Variants in MYO1D observed in about 807,000 individuals in gnomAD.
MYO1D encodes unconventional myosin-Id.
Under a neutral mutation model 122.0 loss-of-function variants are expected in MYO1D, and 83 were observed. The observed-to-expected ratio is 0.68, with a 90% CI of 0.57 to 0.82. The LOEUF (loss-of-function observed/expected upper bound fraction) is 0.82, where lower values mean the gene tolerates loss of function less well. Among genes scored for constraint, MYO1D ranks in the 40% least tolerant of loss-of-function variants. The pLI is 0.00. For synonymous variants in MYO1D, 464 were observed against 446.9 expected (o/e 1.04, Z -0.48); for missense variants, 1,157 against 1,269.5 (o/e 0.91, Z 1.35).
At chr17:32,722,152 A>C (rs2089519506) in intron 14 of MYO1D, among the ~76,000 whole-genome samples, 1 of 152,206 alleles carries the variant, frequency 6.6e-6, no homozygotes, top group African/African-American at 2.4e-5. Flanking sequence ...ACAGTTTTCA[A>C]CACCTAAAAA....
chr17:32,567,091 T>A (rs1019853160), intron 21 of MYO1D, among the ~76,000 whole-genome samples: 1 of 151,454 alleles, frequency 6.6e-6, no homozygotes, highest in Admixed American at 6.6e-5. Context: ...AAAACAGGGG[T>A]TTCTGGCTGA....
intron 1 of MYO1D, among the ~76,000 whole-genome samples, chr17:32,790,204 T>A (rs939766005): frequency 2.6e-5 from 4 of 152,206 alleles, no homozygotes; most frequent in Non-Finnish European, 5.9e-5. Flanking sequence ...GTAGCAAGTA[T>A]GATCTTAAAA....
chr17:32,532,835 G>A (rs1408362484), intron 21 of MYO1D, among the ~76,000 whole-genome samples: 1 of 151,142 alleles, frequency 6.6e-6, no homozygotes, highest in Non-Finnish European at 1.5e-5. Flanking sequence ...AACTCTATTT[G>A]GCTTTATCTA....
At chr17:32,838,492 G>A (rs2090848513) in intron 1 of MYO1D, among the ~76,000 whole-genome samples, 1 of 152,150 alleles carries the variant, frequency 6.6e-6, no homozygotes, top group East Asian at 1.9e-4. Flanking sequence ...ATAGTGACTA[G>A]ATAGTCACTA....
chr17:32,802,369 T>C (rs915461773), intron 1 of MYO1D, among the ~76,000 whole-genome samples: 8 of 152,230 alleles, frequency 5.3e-5, no homozygotes, highest in African/African-American at 1.9e-4. Context: ...GCTAATGCAT[T>C]AAAAACATTT....
intron 16 of MYO1D, among the ~76,000 whole-genome samples, chr17:32,660,388 GTTTCT>G (rs1342574884): frequency 6.6e-6 from 1 of 152,108 alleles, no homozygotes; most frequent in Non-Finnish European, 1.5e-5. Flanking sequence ...ACTCCCTCAG[GTTTCT>G]TTTATTTCTT....
intron 1 of MYO1D, among the ~76,000 whole-genome samples, chr17:32,831,332 G>A (rs2090769888): frequency 6.6e-6 from 1 of 152,198 alleles, no homozygotes; most frequent in Non-Finnish European, 1.5e-5. Flanking sequence ...ATCACGCTGA[G>A]TTTTTACTGC....
intron 19 of MYO1D, among the ~76,000 whole-genome samples, chr17:32,643,681 C>T (rs2088240672): frequency 6.6e-6 from 1 of 152,124 alleles, no homozygotes; most frequent in Non-Finnish European, 1.5e-5. Context: ...TTATCCATTT[C>T]TTCTAGATTT....
At chr17:32,824,934 A>G (rs191273092) in intron 1 of MYO1D, among the ~76,000 whole-genome samples, 4 of 152,320 alleles carry the variant, frequency 2.6e-5, no homozygotes, top group Non-Finnish European at 4.4e-5. Context: ...TTTGTGGAGT[A>G]GAATTCGTGG....
chr17:32,755,392 G>T, intron 11 of MYO1D, 100 bp downstream of exon 11: 1 of 1,226,218 alleles, frequency 8.2e-7, no homozygotes, highest in African/African-American at 1.5e-5. Context: ...CTTATTAAAG[G>T]GGACATTCTT....
chr17:32,579,040 T>C (rs931218702), intron 21 of MYO1D, among the ~76,000 whole-genome samples: 2 of 152,222 alleles, frequency 1.3e-5, no homozygotes, highest in African/African-American at 4.8e-5. Context: ...TTCAGAACAG[T>C]GGCAATGTTT....
At chr17:32,823,834 G>A (rs2090696826) in intron 1 of MYO1D, among the ~76,000 whole-genome samples, 1 of 152,150 alleles carries the variant, frequency 6.6e-6, no homozygotes, top group Non-Finnish European at 1.5e-5. Flanking sequence ...TTGGGAGGCT[G>A]AGGCGGGTGG....
At chr17:32,498,317 T>G (rs1449762862) in intron 21 of MYO1D, 2 of 152,270 alleles carry the variant, frequency 1.3e-5, no homozygotes, top group Non-Finnish European at 2.9e-5. Context: ...CAGGACTGTT[T>G]TCTAAGCCCA....
intron 21 of MYO1D, among the ~76,000 whole-genome samples, chr17:32,521,607 G>A (rs934615716): frequency 6.6e-6 from 1 of 152,168 alleles, no homozygotes; most frequent in African/African-American, 2.4e-5. Context: ...TGTGGGTGGT[G>A]AGTACTTCTT....
At chr17:32,864,058 A>G (rs1240373209) in intron 1 of MYO1D, among the ~76,000 whole-genome samples, 3 of 119,440 alleles carry the variant, frequency 2.5e-5, no homozygotes. Flanking sequence ...GTTTGCAAGA[A>G]TAAAAGCCTT....
intron 20 of MYO1D, among the ~76,000 whole-genome samples, chr17:32,631,187 GA>G (rs1454654777): frequency 6.6e-6 from 1 of 152,126 alleles, no homozygotes; most frequent in East Asian, 1.9e-4. Context: ...AATATGATGG[GA>G]AAAAAACAGG....
intron 21 of MYO1D, among the ~76,000 whole-genome samples, chr17:32,522,345 T>C (rs570050038): frequency 1.3e-5 from 2 of 152,324 alleles, no homozygotes; most frequent in East Asian, 1.9e-4. Flanking sequence ...AGGGTTATAA[T>C]GAAAGCCTTT....
At chr17:32,603,176 G>C (rs2087582557) in intron 21 of MYO1D, among the ~76,000 whole-genome samples, 1 of 151,970 alleles carries the variant, frequency 6.6e-6, no homozygotes, top group Non-Finnish European at 1.5e-5. Flanking sequence ...AAAGATAGAG[G>C]ACATACGCCT....
At chr17:32,720,108 C>T (rs1348775790) in intron 15 of MYO1D, among the ~76,000 whole-genome samples, 1 of 151,682 alleles carries the variant, frequency 6.6e-6, no homozygotes, top group Admixed American at 6.6e-5. Context: ...TATATTTATT[C>T]ATTTTTGGGG....
Sources: gnomAD v4.1 joint callset for allele counts (sites outside exome capture counted in the v4.1 genomes callset) on GRCh38, gnomAD v4.1.1 for gene constraint, MANE v1.5 for transcripts, NCBI Gene and HGNC (gene_info 2026-07-23, HGNC 2026-07-21) for gene names.